The following ALKBH4 variants were observed in gnomAD, a reference collection of about 807,000 sequenced individuals.
ALKBH4 encodes the protein alkB homolog 4, lysine demethylase, also known as alpha-ketoglutarate-dependent dioxygenase alkB homolog 4.
A neutral mutation model predicts 12.1 loss-of-function variants in ALKBH4; 8 were observed. The ratio of observed to expected loss-of-function variants is 0.66; its 90% CI spans 0.39 to 1.19. The LOEUF (loss-of-function observed/expected upper bound fraction) is 1.19, where lower values mean the gene tolerates loss of function less well. Ranked by LOEUF, ALKBH4 falls within the 50% of genes most tolerant of loss-of-function variation. The pLI is 0.01. For synonymous variants in ALKBH4, 195 were observed against 191.6 expected, an observed-to-expected ratio of 1.02 and a Z score of -0.15; for missense variants, 403 against 430.4, an observed-to-expected ratio of 0.94 and a Z score of 0.56.
At chr7:102,460,078 C>T (rs1012494413) in intron 1 of ALKBH4, among the ~76,000 whole-genome samples, 1 of 151,162 alleles carries the variant, frequency 6.6e-6, no homozygotes, top group Non-Finnish European at 1.5e-5. Flanking sequence ...TGCTTAAACC[C>T]AGAAGGCAGA....
At position 102,457,969 on chromosome 7, in the gene ALKBH4, T is replaced by G. The variant is rs990345741; in HGVS notation, c.334A>C (p.Lys112Gln). The G allele has an allele frequency of 6.2e-7, 1 of 1,608,240 alleles. No homozygotes were observed. Among genetic ancestry groups the G allele is most frequent in the Non-Finnish European group, 8.5e-7 (1 of 1,176,738 alleles). Residue 112 changes from lysine to glutamine, a missense_variant, in exon 3 of 3, where the codon AAA (lysine) becomes CAA (glutamine). By Grantham distance (53) the Lys-to-Gln change is moderately conservative. Transcript: ENST00000292566. The surrounding 1 kb of genome is among the most constrained non-coding windows in gnomAD (Gnocchi z 5.9). ...SGRRKQDYGP[K>Q]VNFRKQKLKT... ...AGCTTCTGTTTCCGAAAGTTGACTT[T>G]GGGGCCATAGTCCTGAAGGATGAAG...
chr7:102,457,853 G>C lies in ALKBH4; in HGVS notation c.450C>G (p.Pro150=). The C allele has an allele frequency of 1.2e-6, 2 of 1,611,790 alleles. No individual in the cohort carries two copies. Among genetic ancestry groups the C allele is most frequent in the South Asian group, 1.1e-5 (1 of 91,078 alleles). ...GLYPGLEGFR[P]VEQCNLDYCP... is the part of the protein sequence containing the mutation. ...AGTAGTCCAGGTTGCACTGCTCGAC[G>C]GGCCGGAAGCCCTCCAGCCCCGGGT... is the stretch of plus-strand genomic sequence containing the variant. The change falls in exon 3 of 3, where the codon CCC becomes CCG. Residue 150 remains proline, a synonymous_variant. Transcript: ENST00000292566. This position sits in a 1 kb window ranked among gnomAD's most constrained non-coding sequence, Gnocchi z 5.9.
intron 2 of ALKBH4, 32 bp from the exon 3 acceptor site, chr7:102,458,013 G>T (rs1192007328): frequency 6.4e-7 from 1 of 1,554,382 alleles, no homozygotes; most frequent in Non-Finnish European, 8.7e-7. Context: ...GACATGAGGT[G>T]TCTGAGTTTA....
In ALKBH4 at chr7:102,459,756, C is replaced by A; in HGVS notation, c.169G>T (p.Gly57Cys). 1 of 1,612,904 alleles carries A rather than the reference C, an allele frequency of 6.2e-7. No homozygotes were observed. Among genetic ancestry groups the A allele is most frequent in the Non-Finnish European group, 8.5e-7 (1 of 1,179,568 alleles). ...IYCSDTGWAV[G>C]TEESDFEGWA... ...CCCTCAAAGTCAGACTCCTCTGTGCCCACGGCCCAGCCGGTGTCGGAGCAG... is the reference window on the plus strand; with the variant it reads ...CCCTCAAAGTCAGACTCCTCTGTGCACACGGCCCAGCCGGTGTCGGAGCAG... Residue 57 changes from glycine to cysteine, a missense_variant, in exon 2 of 3, where the codon GGC becomes TGC. By Grantham distance (159) the Gly-to-Cys change is radical. Coordinates refer to ENST00000292566, the MANE Select transcript of ALKBH4 (RefSeq NM_017621.4).
rs763330444 is a variant in ALKBH4, at chr7:102,457,268, C to T, written c.*126G>A. ...CATCAAAACCTGCTCCTGGGCAGGG[C>T]TCACACTGCTCACAGCATCAGGGGT... On this transcript the variant is annotated 3_prime_UTR_variant, in exon 3 of 3. Transcript: ENST00000292566. This position sits in a 1 kb window ranked among gnomAD's most constrained non-coding sequence, Gnocchi z 5.9. 1.8e-6 allele frequency: 2 copies of T among 1,134,386 alleles called. No individual in the cohort carries two copies. The highest frequency in any genetic ancestry group is 3.0e-5 in the South Asian group (2 of 67,148). 70.3% of individuals were successfully genotyped at this position (1,134,386 alleles called of 1,614,324 possible).
intron 2 of ALKBH4, 29 bp from the exon 3 acceptor site, chr7:102,458,010 G>A (rs376918698): frequency 4.4e-5 from 69 of 1,560,018 alleles, no homozygotes; most frequent in Non-Finnish European, 5.7e-5. Flanking sequence ...GAGGACATGA[G>A]GTGTCTGAGT....
Position 102,459,817 on chromosome 7 carries a change from A to T in ALKBH4, c.124-16T>A. On this transcript the variant is annotated splice_polypyrimidine_tract_variant and intron_variant, in intron 1 of 2. Coordinates refer to ENST00000292566, the MANE Select transcript of ALKBH4 (RefSeq NM_017621.4). ...GGTATGTTTTCTGCAAAAGAAACAC[A>T]AGTCCACAGGCTGGGCAACACAGCG... 6.3e-7 allele frequency: 1 copy of T among 1,576,844 alleles called. No individual in the cohort carries two copies. Among genetic ancestry groups the T allele is most frequent in the Non-Finnish European group, 8.6e-7 (1 of 1,160,220 alleles).
chr7:102,462,364 TTTTTC>T (rs1260309119), intron 1 of ALKBH4, among the ~76,000 whole-genome samples: 18 of 150,122 alleles, frequency 1.2e-4, no homozygotes, highest in South Asian at 6.4e-4. Context: ...TTCCGCAATT[TTTTTC>T]TTTTCTTTTT....
chr7:102,461,910 C>T lies in ALKBH4; in HGVS notation c.124-2109G>A, dbSNP rs1227521539. On this transcript the variant is annotated intron_variant, in intron 1 of 2. Coordinates refer to ENST00000292566, the MANE Select transcript of ALKBH4 (RefSeq NM_017621.4). ...CCTCTTCCTCTTCCATCTCCAGGCT[C>T]CTCACACCCTGGGCTGCCACTCACT... 2.6e-5 allele frequency among the ~76,000 whole-genome samples: 4 copies of T among 152,284 alleles called. No homozygotes were observed. In the East Asian group the frequency reaches 7.7e-4, roughly 29 times the overall value.
intron 1 of ALKBH4, among the ~76,000 whole-genome samples, chr7:102,461,679 A>G (rs1478875923): frequency 6.6e-6 from 1 of 152,194 alleles, no homozygotes; most frequent in African/African-American, 2.4e-5. Context: ...AAATTTTTAA[A>G]AAAGAGTTTC....
Position 102,464,712 on chromosome 7 carries a change from AC to A in ALKBH4, c.123+1del. 5.9e-6 allele frequency: 9 copies of A among 1,533,020 alleles called. No individual in the cohort carries two copies. The highest frequency in any genetic ancestry group is 7.0e-6 in the Non-Finnish European group (8 of 1,143,188). 95.0% of individuals were successfully genotyped at this position (1,533,020 alleles called of 1,614,324 possible). The stretch of plus-strand genomic sequence containing the variant: ...GGGCGCGGCCCCTCTCCCACCCCTT[AC>A]CGCTGGGGGCAGCTCCCAGGGCGGG... On this transcript the variant is annotated splice_donor_variant, in intron 1 of 2. Transcript: ENST00000292566. LOFTEE classifies it high-confidence loss of function.
In ALKBH4 at chr7:102,459,769, G is replaced by A. The variant is rs374535640; in HGVS notation, c.156C>T (p.Thr52=). The A allele has an allele frequency of 7.3e-5, 118 of 1,610,536 alleles. 1 individual carries two copies. In the Admixed American group the frequency reaches 1.1e-3, roughly 14 times the overall value. Residue 52 remains threonine (T), a synonymous_variant, in exon 2 of 3, where the codon ACC becomes ACT. Coordinates refer to ENST00000292566, the MANE Select transcript of ALKBH4 (RefSeq NM_017621.4). The part of the protein sequence containing the change: ...KTYRFIYCSD[T]GWAVGTEESD... ...ACTCCTCTGTGCCCACGGCCCAGCC[G>A]GTGTCGGAGCAGTAAATGAAACGGT... is the stretch of plus-strand genomic sequence containing the variant.
In ALKBH4 at chr7:102,464,823, G is replaced by A. The variant is rs771113604; in HGVS notation, c.14C>T (p.Ala5Val). The A allele has an allele frequency of 3.3e-6, 5 of 1,526,442 alleles. No individual in the cohort carries two copies. The highest frequency in any genetic ancestry group is 3.5e-6 in the Non-Finnish European group (4 of 1,142,158). 94.6% of individuals were successfully genotyped at this position (1,526,442 alleles called of 1,614,324 possible). Residue 5 changes from alanine (A) to valine (V), a missense_variant, in exon 1 of 3, where the codon GCC (alanine) becomes GTC (valine). Ala to Val is a moderately conservative substitution (Grantham distance 64). Transcript: ENST00000292566. Reference sequence around the variant, plus strand: ...CCGAAGGACTTCGGGGGTCTCGGCGGCAGCCGCCGCCATCGCGCCGTCCGC... The same window carrying A: ...CCGAAGGACTTCGGGGGTCTCGGCGACAGCCGCCGCCATCGCGCCGTCCGC... MAAA[A>V]AETPEVLREC...
chr7:102,459,581 C>T, intron 2 of ALKBH4, 23 bp downstream of exon 2: 1 of 1,600,790 alleles, frequency 6.2e-7, no homozygotes, highest in Non-Finnish European at 8.5e-7. Context: ...CCAGCAACCC[C>T]CATGAGCTCA....
chr7:102,462,310 T>C (rs1797816441), intron 1 of ALKBH4, among the ~76,000 whole-genome samples: 1 of 152,214 alleles, frequency 6.6e-6, no homozygotes, highest in Non-Finnish European at 1.5e-5. Flanking sequence ...GCCATCGGGT[T>C]GGGAAGATGT....
In ALKBH4 at chr7:102,457,292, G is replaced by T; in HGVS notation, c.*102C>A. The T allele has an allele frequency of 1.5e-6, 2 of 1,338,960 alleles. No homozygotes were observed. The highest frequency in any genetic ancestry group is 2.1e-6 in the Non-Finnish European group (2 of 963,692). 82.9% of individuals were successfully genotyped at this position (1,338,960 alleles called of 1,614,324 possible). A position where few individuals can be genotyped will look rare whatever the true frequency, so the allele number is the denominator to read the frequency against. Reference sequence around the variant, plus strand: ...GCTCACACTGCTCACAGCATCAGGGGTCAGCCATCTTCTCTTGAAACCCCG... The same window carrying T: ...GCTCACACTGCTCACAGCATCAGGGTTCAGCCATCTTCTCTTGAAACCCCG... On this transcript the variant is annotated 3_prime_UTR_variant, in exon 3 of 3. Transcript: ENST00000292566. The surrounding 1 kb of genome is among the most constrained non-coding windows in gnomAD (Gnocchi z 5.9).
rs764782601 is a variant in ALKBH4, at chr7:102,464,797, C to T, written c.40G>A (p.Glu14Lys). ...GTCCGGATGCCCTTGCAACCGCATTCCCGAAGGACTTCGGGGGTCTCGGCG... is the reference window on the plus strand; with the variant it reads ...GTCCGGATGCCCTTGCAACCGCATTTCCGAAGGACTTCGGGGGTCTCGGCG... ...AAAETPEVLR[E>K]CGCKGIRTCL... The change falls in exon 1 of 3, where the codon GAA (glutamate) becomes AAA (lysine). Residue 14 changes from glutamate (E) to lysine (K), a missense_variant. Transcript: ENST00000292566. The T allele has an allele frequency of 7.0e-6, 11 of 1,566,224 alleles. No homozygotes were observed. Among genetic ancestry groups the T allele is most frequent in the Non-Finnish European group, 9.5e-6 (11 of 1,160,824 alleles).
rs370451457 is a variant in ALKBH4 at position 102,464,600 on chromosome 7, C to T, written c.123+114G>A. The T allele has an allele frequency of 1.2e-4, 172 of 1,389,718 alleles. No individual in the cohort carries two copies. The East Asian group carries it at 3.7e-3, about 30-fold the overall frequency. The allele number at this position is 1,389,718 out of a possible 1,614,324, so 86.1% of individuals were successfully genotyped here. ...ATCTCCTCACCCTGCATCACCCCTA[C>T]CGTAAGGGTCCCTCACAGGCTTCGA... On this transcript the variant is annotated intron_variant, in intron 1 of 2. Coordinates refer to ENST00000292566, the MANE Select transcript of ALKBH4 (RefSeq NM_017621.4).
At chr7:102,458,826 T>C (rs976144553) in intron 2 of ALKBH4, among the ~76,000 whole-genome samples, 3 of 147,756 alleles carry the variant, frequency 2.0e-5, no homozygotes, top group Non-Finnish European at 4.5e-5. Flanking sequence ...AATGAGGAAA[T>C]GAAATGTACC....
Sources: allele counts gnomAD v4.1 joint callset (sites outside exome capture counted in the v4.1 genomes callset), GRCh38; gene constraint gnomAD v4.1.1; non-coding constraint Gnocchi (gnomAD v3.1); transcripts MANE v1.5; gene names NCBI Gene and HGNC (gene_info 2026-07-23, HGNC 2026-07-21).